MAPK10: variants seen among roughly 807,000 people sequenced by gnomAD.
The protein encoded by MAPK10 is JNK3 alpha protein kinase.
In MAPK10, 25 loss-of-function variants were observed where a neutral mutation model predicts 59.3. That is an observed-to-expected ratio of 0.42 (90% CI 0.31 to 0.59). The LOEUF (loss-of-function observed/expected upper bound fraction) is 0.59, where lower values mean the gene tolerates loss of function less well. MAPK10 is among the 20% of genes least tolerant of loss of function. The pLI is 0.15. For missense variants in MAPK10, 351 were observed against 568.9 expected, an observed-to-expected ratio of 0.62 and a Z score of 3.90; for synonymous variants, 190 against 200.5, an observed-to-expected ratio of 0.95 and a Z score of 0.44.
At chr4:86,267,321 T>C (rs879779519) in intron 2 of MAPK10, among the ~76,000 whole-genome samples, 2 of 152,168 alleles carry the variant, frequency 1.3e-5, no homozygotes, top group Non-Finnish European at 2.9e-5. Flanking sequence ...AATGTAATTA[T>C]TTCTATTTAT....
At chr4:86,479,207 G>T (rs537581579) in intron 1 of MAPK10, among the ~76,000 whole-genome samples, 2 of 152,068 alleles carry the variant, frequency 1.3e-5, no homozygotes, top group East Asian at 3.9e-4. Flanking sequence ...GTAAGGGACC[G>T]GCCTTTATTA....
intron 11 of MAPK10, among the ~76,000 whole-genome samples, chr4:86,057,604 T>C (rs2044852694): frequency 6.7e-6 from 1 of 150,112 alleles, no homozygotes; most frequent in African/African-American, 2.5e-5. Flanking sequence ...CCTGTTTTTT[T>C]TTCATTTTTT....
chr4:86,389,503 G>C (rs1442584569), intron 1 of MAPK10, among the ~76,000 whole-genome samples: 1 of 152,132 alleles, frequency 6.6e-6, no homozygotes, highest in African/African-American at 2.4e-5. Flanking sequence ...CTCCCCTACG[G>C]GATAGTTTTT....
At chr4:86,471,588 G>GAAAATAT (rs921995718) in intron 1 of MAPK10, among the ~76,000 whole-genome samples, 2 of 152,110 alleles carry the variant, frequency 1.3e-5, no homozygotes, top group Non-Finnish European at 2.9e-5. Context: ...GTTGTTTCCT[G>GAAAATAT]AAAATATAAA....
chr4:86,298,190 T>C (rs908159530), intron 2 of MAPK10, among the ~76,000 whole-genome samples: 1 of 152,194 alleles, frequency 6.6e-6, no homozygotes, highest in Non-Finnish European at 1.5e-5. Context: ...CCCAGCCGAA[T>C]ATTCATCACA....
At chr4:86,068,343 G>T (rs1247131789) in intron 9 of MAPK10, among the ~76,000 whole-genome samples, 1 of 151,946 alleles carries the variant, frequency 6.6e-6, no homozygotes, top group Non-Finnish European at 1.5e-5. Context: ...TTATCCTGAA[G>T]TTACCTCAAT....
intron 11 of MAPK10, 49 bp from the exon 12 acceptor site, chr4:86,031,480 A>G: frequency 7.6e-7 from 1 of 1,320,960 alleles, no homozygotes; most frequent in South Asian, 1.2e-5. Context: ...TGTAAACATA[A>G]CTAAACTCTT....
intron 1 of MAPK10, among the ~76,000 whole-genome samples, chr4:86,428,151 T>TC (rs1432541089): frequency 6.6e-6 from 1 of 151,954 alleles, no homozygotes; most frequent in Non-Finnish European, 1.5e-5. Context: ...TTTTTTTTTT[T>TC]TTTTGAGACA....
intron 3 of MAPK10, among the ~76,000 whole-genome samples, chr4:86,174,165 T>C (rs1443372699): frequency 6.9e-6 from 1 of 145,214 alleles, no homozygotes; most frequent in Non-Finnish European, 1.5e-5. Flanking sequence ...TAAAGGTACA[T>C]GCACACATAT....
chr4:86,071,797 T>C (rs1025945922), intron 9 of MAPK10, among the ~76,000 whole-genome samples: 1 of 150,312 alleles, frequency 6.7e-6, no homozygotes, highest in African/African-American at 2.4e-5. Flanking sequence ...TACTGTAGCC[T>C]TGTAGTATAG....
chr4:86,205,783 A>G (rs2083693318), intron 2 of MAPK10, among the ~76,000 whole-genome samples: 1 of 152,034 alleles, frequency 6.6e-6, no homozygotes, highest in Non-Finnish European at 1.5e-5. Context: ...TAAAACACAC[A>G]CATATATTTC....
chr4:86,138,897 C>T (rs1581089560), intron 4 of MAPK10, among the ~76,000 whole-genome samples: 1 of 151,852 alleles, frequency 6.6e-6, no homozygotes, highest in Non-Finnish European at 1.5e-5. Flanking sequence ...CAACAACAGA[C>T]AAACAGCCAA....
chr4:86,178,511 T>A (rs1316097135), intron 3 of MAPK10, among the ~76,000 whole-genome samples: 2 of 152,054 alleles, frequency 1.3e-5, no homozygotes, highest in Non-Finnish European at 2.9e-5. Flanking sequence ...AAATTACAAG[T>A]ACATTTTATA....
At chr4:86,136,564 C>G (rs2062164226) in intron 4 of MAPK10, among the ~76,000 whole-genome samples, 1 of 150,372 alleles carries the variant, frequency 6.7e-6, no homozygotes. Flanking sequence ...CAACCAGTAC[C>G]AGCCACTGCA....
chr4:86,580,224 C>T lies in MAPK10; in HGVS notation c.-263+13686G>A, dbSNP rs145232725. Among the ~76,000 whole-genome samples, 242 of 152,268 alleles carry T rather than the reference C, an allele frequency of 1.6e-3. 2 individuals are homozygous for T. Among genetic ancestry groups the T allele is most frequent in the African/African-American group, 5.6e-3 (231 of 41,576 alleles). On this transcript the variant is annotated intron_variant, in intron 1 of 4. Coordinates refer to the MAPK10 transcript ENST00000502302. ...ACCCTTTGTATAAAAGTTGGCCGGA[C>T]GCTGTGGCTCACACCTGTAATCCCA...
chr4:86,117,770 T>A (rs1189575797), intron 4 of MAPK10: 1 of 152,220 alleles, frequency 6.6e-6, no homozygotes. Flanking sequence ...ATAATTCATG[T>A]CATTCTCTAG....
intron 9 of MAPK10, among the ~76,000 whole-genome samples, chr4:86,084,929 C>T (rs2051445166): frequency 6.6e-6 from 1 of 151,990 alleles, no homozygotes; most frequent in Non-Finnish European, 1.5e-5. Context: ...AAGATAGAAC[C>T]CAGAAACAAA....
intron 2 of MAPK10, among the ~76,000 whole-genome samples, chr4:86,330,757 T>C (rs923668627): frequency 6.6e-6 from 1 of 152,194 alleles, no homozygotes; most frequent in Non-Finnish European, 1.5e-5. Flanking sequence ...CAGTTCTTTA[T>C]AGGACCGTGA....
At chr4:86,540,467 T>C (rs956601682) in intron 1 of MAPK10, among the ~76,000 whole-genome samples, 3 of 151,948 alleles carry the variant, frequency 2.0e-5, no homozygotes, top group African/African-American at 7.3e-5. Context: ...ATCACTTCAC[T>C]CCAGCCTAGG....
Sources: gnomAD v4.1 joint callset for allele counts (sites outside exome capture counted in the v4.1 genomes callset) on GRCh38, gnomAD v4.1.1 for gene constraint, MANE v1.5 for transcripts, NCBI Gene and HGNC (gene_info 2026-07-23, HGNC 2026-07-21) for gene names.